The following ITGAV variants were observed in gnomAD, a reference collection of about 807,000 sequenced individuals.
ITGAV encodes integrin alpha-V.
A neutral mutation model predicts 143.8 loss-of-function variants in ITGAV; 76 were observed. The observed-to-expected ratio is 0.53, with a 90% confidence interval of 0.44 to 0.64. The LOEUF (loss-of-function observed/expected upper bound fraction) is 0.64, where lower values mean the gene tolerates loss of function less well. Among genes scored for constraint, ITGAV ranks in the 30% least tolerant of loss-of-function variants. ITGAV has a pLI of 0.00. For missense variants in ITGAV, 1,193 were observed against 1,274.7 expected, an observed-to-expected ratio of 0.94 and a Z score of 0.98; for synonymous variants, 453 against 446.7, an observed-to-expected ratio of 1.01 and a Z score of -0.18.
In ITGAV at chr2:186,668,202, ATATATATATATATATTTTTTTTTTTT is replaced by A. The variant is rs1426944812; in HGVS notation, c.2433+428_2433+453del. ...CATACATACATATATATATATATAT[ATATATATATATATATTTTTTTTTTTT>A]TTTTTTTTTTTTTTTGAGGTGAAGT... On this transcript the variant is annotated intron_variant, in intron 24 of 29. Transcript: ENST00000261023. 3.9e-4 allele frequency among the ~76,000 whole-genome samples: 5 copies of A among 12,936 alleles called. 1 individual carries two copies. Among genetic ancestry groups the A allele is most frequent in the Admixed American group, 8.6e-4 (1 of 1,162 alleles). The allele number at this position is 12,936 out of a possible 152,430, so 8.5% of individuals were successfully genotyped here.
Position 186,663,839 on chromosome 2 carries a change from A to G in ITGAV, c.1925+4A>G, listed in dbSNP as rs1274550046. The G allele has an allele frequency of 6.3e-7, 1 of 1,598,984 alleles. No individual in the cohort carries two copies. The highest frequency in any genetic ancestry group is 1.3e-5 in the African/African-American group (1 of 74,610). On this transcript the variant is annotated splice_donor_region_variant and intron_variant, in intron 19 of 29. Coordinates refer to ENST00000261023, the MANE Select transcript of ITGAV (RefSeq NM_002210.5). ...AGCTGGAAGTTTCTGTAGATAGGTA[A>G]GTTTTGCTTGAAATAATAATGTAGT... is the stretch of plus-strand genomic sequence containing the variant.
At chr2:186,667,128 A>C in intron 22 of ITGAV, 22 bp from the exon 23 acceptor site, 1 of 1,515,828 alleles carries the variant, frequency 6.6e-7, no homozygotes, top group South Asian at 1.2e-5. Context: ...TTCATTTTTA[A>C]GTTTTTTTTT....
chr2:186,640,825 A>G (rs1276596489), intron 10 of ITGAV, 90 bp from the exon 11 acceptor site: 3 of 1,027,192 alleles, frequency 2.9e-6, no homozygotes, highest in Middle Eastern at 2.9e-4. Context: ...GAGAAAAAAA[A>G]TAACCCTATT....
intron 8 of ITGAV, among the ~76,000 whole-genome samples, chr2:186,637,518 T>C (rs1687981060): frequency 6.6e-6 from 1 of 151,992 alleles, no homozygotes; most frequent in African/African-American, 2.4e-5. Flanking sequence ...AAATAAAATT[T>C]TAAGCAATTT....
rs1428976256 is a variant in ITGAV, at chr2:186,625,652, TGTGTGTGTGG to T, written c.523+75_523+84del. The T allele has an allele frequency of 1.2e-5, 8 of 675,588 alleles. No homozygotes were observed. In the African/African-American group the frequency reaches 1.8e-4, roughly 15 times the overall value. 41.8% of individuals were successfully genotyped at this position (675,588 alleles called of 1,614,324 possible). ...TGGGAAGCCTAGTTTGTTAAAAATA[TGTGTGTGTGG>T]GTGTGTGTGTGTGTGTGAGAGAGAG... On this transcript the variant is annotated intron_variant, in intron 4 of 29. Coordinates refer to ENST00000261023, the MANE Select transcript of ITGAV (RefSeq NM_002210.5).
chr2:186,668,747 C>G lies in ITGAV; in HGVS notation c.2434-15C>G, dbSNP rs1220819806. On this transcript the variant is annotated splice_polypyrimidine_tract_variant and intron_variant, in intron 24 of 29. Coordinates refer to ENST00000261023, the MANE Select transcript of ITGAV (RefSeq NM_002210.5). ...TTTGCCCAAGGTGTAGATACATTTT[C>G]TTTTTTCTCCTTAGCTGAGAAACAA... The G allele has an allele frequency of 1.2e-6, 2 of 1,607,816 alleles. No individual in the cohort carries two copies. Among genetic ancestry groups the G allele is most frequent in the African/African-American group, 2.7e-5 (2 of 74,414 alleles).
chr2:186,677,160 G>A (rs1219779450), intron 29 of ITGAV, 37 bp from the exon 30 acceptor site: 1 of 1,555,792 alleles, frequency 6.4e-7, no homozygotes, highest in East Asian at 2.3e-5. Flanking sequence ...ATTCTACACT[G>A]ATGTGACAGT....
rs760026899 is a variant in ITGAV, at chr2:186,649,800, C to G, written c.1352-40C>G. ...TAGAATGGTATATACATTTTAAAAA[C>G]CATTATCATTATTAACATGTTTTTC... On this transcript the variant is annotated intron_variant, in intron 13 of 29. Coordinates refer to ENST00000261023, the MANE Select transcript of ITGAV (RefSeq NM_002210.5). 1.6e-5 allele frequency: 22 copies of G among 1,386,020 alleles called. No individual in the cohort carries two copies. The East Asian group carries it at 5.1e-4, about 32-fold the overall frequency. The allele number at this position is 1,386,020 out of a possible 1,614,324, so 85.9% of individuals were successfully genotyped here.
At chr2:186,590,606 TCCGAGAGATC>T in intron 1 of ITGAV, 83 bp downstream of exon 1, 1 of 1,256,222 alleles carries the variant, frequency 8.0e-7, no homozygotes, top group Non-Finnish European at 1.1e-6. Context: ...GGGATTGATT[TCCGAGAGATC>T]CCGGCGTCTG....
In ITGAV at chr2:186,590,334, C is replaced by T. The variant is rs544752210; in HGVS notation, c.-5C>T. On this transcript the variant is annotated 5_prime_UTR_variant, in exon 1 of 30. Coordinates refer to ENST00000261023, the MANE Select transcript of ITGAV (RefSeq NM_002210.5). ...CCGGCTTGGCGTCCCGCGCGCACTTCGGCGATGGCTTTTCCGCCGCGGCGA... is the reference window on the plus strand; with the variant it reads ...CCGGCTTGGCGTCCCGCGCGCACTTTGGCGATGGCTTTTCCGCCGCGGCGA... 3.2e-6 allele frequency: 5 copies of T among 1,573,264 alleles called. No homozygotes were observed. The highest frequency in any genetic ancestry group is 2.5e-5 in the East Asian group (1 of 39,860).
chr2:186,640,238 T>C (rs533934112), intron 10 of ITGAV, among the ~76,000 whole-genome samples: 1 of 152,200 alleles, frequency 6.6e-6, no homozygotes, highest in Non-Finnish European at 1.5e-5. Context: ...AAGCCTGTGG[T>C]CTCCTGTGGT....
At position 186,665,139 on chromosome 2, in the gene ITGAV, T is replaced by A. The variant is rs763189219; in HGVS notation, c.2087T>A (p.Leu696His). The A allele has an allele frequency of 1.2e-6, 2 of 1,607,456 alleles. No homozygotes were observed. Among genetic ancestry groups the A allele is most frequent in the Non-Finnish European group, 1.7e-6 (2 of 1,176,500 alleles). The change falls in exon 21 of 30, where the codon CTT becomes CAT. Residue 696 changes from leucine to histidine, a missense_variant. Transcript: ENST00000261023. ...VVRNNEALARLSCAFKTENQT... is the reference protein window; with the variant it reads ...VVRNNEALARHSCAFKTENQT... ...GGTCTATCAAAGGCCTTAGCAAGAC[T>A]TTCCTGTGCATTTAAGACAGAAAAC... is the stretch of plus-strand genomic sequence containing the variant.
intron 15 of ITGAV, 45 bp downstream of exon 15, chr2:186,652,134 C>CTT: frequency 1.7e-6 from 2 of 1,186,440 alleles, no homozygotes; most frequent in Non-Finnish European, 2.5e-6. Context: ...GATTATTGTT[C>CTT]AGGCATTGTA....
intron 10 of ITGAV, among the ~76,000 whole-genome samples, chr2:186,639,467 G>C (rs1417614639): frequency 6.6e-6 from 1 of 152,118 alleles, no homozygotes; most frequent in Non-Finnish European, 1.5e-5. Context: ...TGCTGCAGGG[G>C]TGGTCCCTTT....
intron 19 of ITGAV, 145 bp downstream of exon 19, chr2:186,663,980 T>G (rs1688819555): frequency 1.7e-6 from 1 of 605,958 alleles, no homozygotes; most frequent in African/African-American, 1.9e-5. Context: ...ACTATCAATA[T>G]TGAGCTTCTA....
intron 5 of ITGAV, among the ~76,000 whole-genome samples, chr2:186,632,213 T>C (rs944474277): frequency 2.6e-5 from 4 of 152,262 alleles, no homozygotes; most frequent in African/African-American, 9.6e-5. Flanking sequence ...TTAATAAATG[T>C]TAGGTTTAAA....
chr2:186,640,361 T>G (rs1688068317), intron 10 of ITGAV, among the ~76,000 whole-genome samples: 1 of 152,206 alleles, frequency 6.6e-6, no homozygotes, highest in South Asian at 2.1e-4. Flanking sequence ...TCTATAGAGA[T>G]ATGACACAAA....
At position 186,678,996 on chromosome 2, in the gene ITGAV, C is replaced by T. The variant is rs1375394119; in HGVS notation, c.*1704C>T. ...CTCTAGACAAAACCTTCTATTTTAG[C>T]TTTAGTGAATTTCAAAAGTAATGGG... On this transcript the variant is annotated 3_prime_UTR_variant, in exon 30 of 30. Coordinates refer to ENST00000261023, the MANE Select transcript of ITGAV (RefSeq NM_002210.5). 4.1e-6 allele frequency: 1 copy of T among 246,056 alleles called. No individual in the cohort carries two copies. Among genetic ancestry groups the T allele is most frequent in the African/African-American group, 2.3e-5 (1 of 43,054 alleles). The allele number at this position is 246,056 out of a possible 1,614,324, so 15.2% of individuals were successfully genotyped here. A position where few individuals can be genotyped will look rare whatever the true frequency, so the allele number is the denominator to read the frequency against.
rs1214455022 is a variant in ITGAV at position 186,675,884 on chromosome 2, C to T, written c.2885C>T (p.Pro962Leu). Reference sequence around the variant, plus strand: ...GCTTCATTTAATGTCATAGAGTTTCCTTATAAGAATCTTCCAATTGAGGAT... The same window carrying T: ...GCTTCATTTAATGTCATAGAGTTTCTTTATAAGAATCTTCCAATTGAGGAT... ...SSASFNVIEFPYKNLPIEDIT... is the reference protein window; with the variant it reads ...SSASFNVIEFLYKNLPIEDIT... The change falls in exon 28 of 30, where the codon CCT (proline) becomes CTT (leucine). Residue 962 changes from proline to leucine, a missense_variant. Transcript: ENST00000261023. The T allele has an allele frequency of 6.2e-7, 1 of 1,608,706 alleles. No homozygotes were observed. The highest frequency in any genetic ancestry group is 1.7e-5 in the Admixed American group (1 of 59,894).
Sources: allele counts gnomAD v4.1 joint callset (sites outside exome capture counted in the v4.1 genomes callset), GRCh38; gene constraint gnomAD v4.1.1; transcripts MANE v1.5; gene names NCBI Gene and HGNC (gene_info 2026-07-23, HGNC 2026-07-21).